The following MED13 variants were observed in gnomAD, a reference collection of about 807,000 sequenced individuals.
The protein encoded by MED13 is mediator complex subunit 13, also known as mediator of RNA polymerase II transcription subunit 13.
A neutral mutation model predicts 225.2 loss-of-function variants in MED13; 23 were observed. The observed-to-expected ratio is 0.10, with a 90% CI of 0.07 to 0.14. The LOEUF (loss-of-function observed/expected upper bound fraction) is 0.14. MED13 is among the 10% of genes least tolerant of loss of function. The pLI, the probability that MED13 is intolerant of heterozygous loss-of-function variation, is 1.00. For missense variants in MED13, 2,197 were observed against 2,594.5 expected, an observed-to-expected ratio of 0.85 and a Z score of 3.33; for synonymous variants, 942 against 889.2, an observed-to-expected ratio of 1.06 and a Z score of -1.06.
chr17:61,984,737 G>T lies in MED13; in HGVS notation c.2605C>A (p.Leu869Ile). ...CCTATACTAGAACTATTTCCTTCTA[G>T]AACAGTTCCTCCAGGTGTTGTATCC... ...SMDTTPGGTVLEGNSSSIGAQ... is the reference protein window; with the variant it reads ...SMDTTPGGTVIEGNSSSIGAQ... The change falls in exon 14 of 30, where the codon CTA (leucine) becomes ATA (isoleucine). Residue 869 changes from leucine to isoleucine, a missense_variant. Transcript: ENST00000397786. The T allele has an allele frequency of 6.2e-7, 1 of 1,613,782 alleles. No individual in the cohort carries two copies. The highest frequency in any genetic ancestry group is 8.5e-7 in the Non-Finnish European group (1 of 1,179,772).
chr17:62,048,131 C>A (rs1001744706), intron 3 of MED13, among the ~76,000 whole-genome samples: 1 of 148,058 alleles, frequency 6.8e-6, no homozygotes, highest in African/African-American at 2.5e-5. Flanking sequence ...AGGGGCTGGA[C>A]ACAGTGGCTC....
intron 22 of MED13, 41 bp from the exon 23 acceptor site, chr17:61,961,131 C>T: frequency 7.0e-7 from 1 of 1,424,630 alleles, no homozygotes; most frequent in Middle Eastern, 2.1e-4. Flanking sequence ...ACTATACAAT[C>T]TTAGAGAAAT....
intron 16 of MED13, 55 bp downstream of exon 16, chr17:61,982,143 A>G: frequency 6.7e-7 from 1 of 1,502,758 alleles, no homozygotes; most frequent in Non-Finnish European, 9.0e-7. Context: ...TTTTCCTAAG[A>G]ATGTAACTAA....
intron 5 of MED13, among the ~76,000 whole-genome samples, chr17:62,033,110 G>A (rs999925032): frequency 1.3e-5 from 2 of 151,892 alleles, no homozygotes; most frequent in Non-Finnish European, 2.9e-5. Flanking sequence ...CCAAGATCGC[G>A]CCATTGCACT....
At chr17:62,035,796 T>C (rs1372482356) in intron 3 of MED13, among the ~76,000 whole-genome samples, 188 bp from the exon 4 acceptor site, 1 of 152,142 alleles carries the variant, frequency 6.6e-6, no homozygotes, top group African/African-American at 2.4e-5. Flanking sequence ...TACAACACTG[T>C]TTATAGTAGG....
At position 62,065,152 on chromosome 17, in the gene MED13, G is replaced by A. The variant is rs1256639413; in HGVS notation, c.54C>T (p.Asn18=). 1.9e-6 allele frequency: 3 copies of A among 1,579,622 alleles called. No homozygotes were observed. Among genetic ancestry groups the A allele is most frequent in the South Asian group, 2.3e-5 (2 of 86,514 alleles). Residue 18 remains asparagine (N), a synonymous_variant, in exon 1 of 30, where the codon AAC becomes AAT. Coordinates refer to ENST00000397786, the MANE Select transcript of MED13 (RefSeq NM_005121.3). ...NGASLEDCHC[N]LFCLADLTGI... ...CCCCGGCACTCACCAGGCAGAAGAGGTTACAGTGACAATCTTCCAGGCTGG... is the reference window on the plus strand; with the variant it reads ...CCCCGGCACTCACCAGGCAGAAGAGATTACAGTGACAATCTTCCAGGCTGG...
chr17:61,964,387 C>G (rs1348914569), intron 20 of MED13, among the ~76,000 whole-genome samples: 3 of 151,768 alleles, frequency 2.0e-5, no homozygotes, highest in Non-Finnish European at 2.9e-5. Context: ...GCCAGGGCAA[C>G]AGGGTGAAAC....
At chr17:62,036,477 A>G (rs964403722) in intron 3 of MED13, among the ~76,000 whole-genome samples, 13 of 152,264 alleles carry the variant, frequency 8.5e-5, no homozygotes, top group East Asian at 3.9e-4. Context: ...AAGAGTGTAC[A>G]CTAAGAAAAT....
rs1376933012 is a variant in MED13 at position 62,010,377 on chromosome 17, T to A, written c.1967+173A>T. The A allele has an allele frequency of 7.0e-5, 30 of 428,510 alleles. No homozygotes were observed. The East Asian group carries it at 1.1e-3, about 15-fold the overall frequency. The allele number at this position is 428,510 out of a possible 1,614,324, so 26.5% of individuals were successfully genotyped here. Reference sequence around the variant, plus strand: ...ACTTTTTGTGGCTAAAGTTATTTCATAATGAAGAAGTTCCCTGAGGAAAAA... The same window carrying A: ...ACTTTTTGTGGCTAAAGTTATTTCAAAATGAAGAAGTTCCCTGAGGAAAAA... On this transcript the variant is annotated intron_variant, in intron 9 of 29. Transcript: ENST00000397786.
At chr17:61,983,547 TTC>T in intron 15 of MED13, among the ~76,000 whole-genome samples, 1 of 152,292 alleles carries the variant, frequency 6.6e-6, no homozygotes, top group African/African-American at 2.4e-5. Flanking sequence ...AGATTCAGAT[TTC>T]TTTTAGCCTT....
intron 26 of MED13, among the ~76,000 whole-genome samples, chr17:61,954,054 C>T (rs2079919937): frequency 6.6e-6 from 1 of 152,222 alleles, no homozygotes. Context: ...TGGTCTCTCT[C>T]TCTCTCTTTC....
In MED13 at chr17:61,952,999, C is replaced by T; in HGVS notation, c.6083G>A (p.Gly2028Glu). 1 of 1,613,830 alleles carries T rather than the reference C, an allele frequency of 6.2e-7. No homozygotes were observed. The highest frequency in any genetic ancestry group is 2.2e-5 in the East Asian group (1 of 44,858). ...SPTGSPVHSP[G>E]SHYPHGGDAG... Reference sequence around the variant, plus strand: ...ATCACCTCCATGGGGGTAATGAGATCCTGGAGAATGTACAGGAGAACCAGT... The same window carrying T: ...ATCACCTCCATGGGGGTAATGAGATTCTGGAGAATGTACAGGAGAACCAGT... Residue 2028 changes from glycine to glutamate, a missense_variant, in exon 27 of 30, where the codon GGA becomes GAA. Physicochemically the swap from Gly to Glu is moderately conservative, Grantham distance 98. Around this residue, in one of 12 missense-constraint regions of MED13, gnomAD observed 216 missense variants for 388.9 expected, o/e 0.56. Coordinates refer to ENST00000397786, the MANE Select transcript of MED13 (RefSeq NM_005121.3).
At chr17:61,956,096 A>C (rs1391064230) in intron 24 of MED13, among the ~76,000 whole-genome samples, 2 of 152,180 alleles carry the variant, frequency 1.3e-5, no homozygotes, top group Admixed American at 6.5e-5. Context: ...GTTAAATAAC[A>C]ATCAGAAAGT....
intron 9 of MED13, chr17:62,003,623 C>CAAAAAAAAAAAAAAAAA (rs1335956503): frequency 1.0e-4 from 9 of 86,074 alleles, no homozygotes; most frequent in East Asian, 4.9e-4. Context: ...AAAAAAAAAG[C>CAAAAAAAAAAAAAAAAA]AAAAAGTGAA....
Position 61,942,646 on chromosome 17 carries a change from TTTTG to T in MED13, c.*3818_*3821del, listed in dbSNP as rs1326867156. ...AATTTATTCCATTTGAAGTTTTGTT[TTTTG>T]TTTTTGTTTTTTTTTTTTTAAAAAG... On this transcript the variant is annotated 3_prime_UTR_variant, in exon 30 of 30. Coordinates refer to ENST00000397786, the MANE Select transcript of MED13 (RefSeq NM_005121.3). 3.3e-5 allele frequency: 5 copies of T among 152,162 alleles called. No individual in the cohort carries two copies. The highest frequency in any genetic ancestry group is 7.3e-5 in the African/African-American group (3 of 41,310). 9.4% of individuals were successfully genotyped at this position (152,162 alleles called of 1,614,324 possible). A position where few individuals can be genotyped will look rare whatever the true frequency, so the allele number is the denominator to read the frequency against.
At chr17:62,056,789 T>C (rs547403454) in intron 2 of MED13, among the ~76,000 whole-genome samples, 1 of 152,272 alleles carries the variant, frequency 6.6e-6, no homozygotes, top group South Asian at 2.1e-4. Flanking sequence ...TTCCTTCTCT[T>C]GTAGCTCTAT....
intron 24 of MED13, 131 bp downstream of exon 24, chr17:61,956,208 G>T (rs146484770): frequency 2.3e-6 from 2 of 874,760 alleles, no homozygotes; most frequent in Non-Finnish European, 3.3e-6. Flanking sequence ...GCCATTTGTG[G>T]CCTAGACATA....
intron 8 of MED13, among the ~76,000 whole-genome samples, chr17:62,027,399 C>A (rs73336423): frequency 6.6e-6 from 1 of 152,084 alleles, no homozygotes; most frequent in Non-Finnish European, 1.5e-5. Flanking sequence ...TGACTGAAAT[C>A]GGACCCCTTC....
At position 62,055,740 on chromosome 17, in the gene MED13, T is replaced by C. The variant is rs369886017; in HGVS notation, c.302-3035A>G. 4.8e-4 allele frequency among the ~76,000 whole-genome samples: 73 copies of C among 152,100 alleles called. 1 individual carries two copies. The South Asian group carries it at 0.014, about 29-fold the overall frequency. On this transcript the variant is annotated intron_variant, in intron 2 of 29. Transcript: ENST00000397786. ...CGGGAGGCTGAGGCAGGAGAATCAC[T>C]TGAACTGGGTGGCAGAGGCTGCAGT...
Sources: allele counts gnomAD v4.1 joint callset (sites outside exome capture counted in the v4.1 genomes callset), GRCh38; gene constraint gnomAD v4.1.1; regional missense constraint gnomAD v4.1.1; transcripts MANE v1.5; gene names NCBI Gene and HGNC (gene_info 2026-07-23, HGNC 2026-07-21).